Variants in XKR6 observed in about 807,000 individuals in gnomAD.
The protein encoded by XKR6 is XK-related protein 6.
In XKR6, 22 loss-of-function variants were observed where a neutral mutation model predicts 56.7. The observed-to-expected ratio is 0.39, with a 90% CI of 0.28 to 0.55. The LOEUF is 0.55. Among genes scored for constraint, XKR6 ranks in the 20% least tolerant of loss-of-function variants. The pLI is 0.66. For missense variants in XKR6, 852 were observed against 889.0 expected, an observed-to-expected ratio of 0.96 and a Z score of 0.53; for synonymous variants, 524 against 387.8, an observed-to-expected ratio of 1.35 and a Z score of -4.13.
intron 1 of XKR6, among the ~76,000 whole-genome samples, chr8:11,152,800 T>C (rs1464336602): frequency 1.3e-5 from 2 of 152,180 alleles, no homozygotes; most frequent in African/African-American, 4.8e-5. Flanking sequence ...GCCACTGATA[T>C]AAACAAATAT....
At chr8:10,940,782 C>T (rs1406213339) in intron 1 of XKR6, among the ~76,000 whole-genome samples, 3 of 152,220 alleles carry the variant, frequency 2.0e-5, no homozygotes, top group African/African-American at 7.2e-5. Flanking sequence ...ACACACATCC[C>T]CTTTGCAATA....
intron 1 of XKR6, among the ~76,000 whole-genome samples, chr8:11,074,117 G>T (rs1046445376): frequency 5.3e-5 from 8 of 152,346 alleles, no homozygotes; most frequent in African/African-American, 1.9e-4. Flanking sequence ...CTTCAAAGAC[G>T]CAGCTTTGAG....
chr8:11,011,661 A>G (rs1033261946), intron 1 of XKR6, among the ~76,000 whole-genome samples: 2 of 152,336 alleles, frequency 1.3e-5, no homozygotes, highest in Non-Finnish European at 2.9e-5. Flanking sequence ...GCAGAGAAGG[A>G]TAGAGCAGGG....
intron 1 of XKR6, among the ~76,000 whole-genome samples, chr8:10,925,479 C>A (rs974190321): frequency 6.6e-6 from 1 of 152,100 alleles, no homozygotes; most frequent in African/African-American, 2.4e-5. Context: ...ATCAGGGGGA[C>A]CCAGGGCCTG....
intron 1 of XKR6, among the ~76,000 whole-genome samples, chr8:11,152,282 A>C (rs1801306043): frequency 6.6e-6 from 1 of 152,204 alleles, no homozygotes; most frequent in Admixed American, 6.5e-5. Context: ...GCTTCTCTAC[A>C]GTTGCCCTTC....
At position 10,898,674 on chromosome 8, in the gene XKR6, T is replaced by C. The variant is rs1021919099; in HGVS notation, c.1204A>G (p.Ile402Val). 1 of 1,614,018 alleles carries C rather than the reference T, an allele frequency of 6.2e-7. No homozygotes were observed. The highest frequency in any genetic ancestry group is 1.3e-5 in the African/African-American group (1 of 74,888). The change falls in exon 3 of 3, where the codon ATC (isoleucine) becomes GTC (valine). Residue 402 changes from isoleucine (I) to valine (V), a missense_variant. By Grantham distance (29) the Ile-to-Val change is conservative (BLOSUM62 3). This residue lies in a region of XKR6 where 199 missense variants were observed against 280.4 expected (regional missense o/e 0.71). Transcript: ENST00000416569. This position sits in a 1 kb window ranked among gnomAD's most constrained non-coding sequence, Gnocchi z 6.6. ...VHWCAMAFWI[I>V]HGGTDFCMSK... ...ATGCAGAAGTCTGTTCCGCCATGGA[T>C]GATCCAGAAGGCCATGGCGCACCAG...
intron 1 of XKR6, chr8:11,108,475 C>A (rs537254925): frequency 2.4e-6 from 1 of 408,282 alleles, no homozygotes; most frequent in African/African-American, 2.1e-5. Context: ...ATTTAAAAAA[C>A]AGGACATTAG....
intron 1 of XKR6, among the ~76,000 whole-genome samples, chr8:11,092,948 G>A (rs1273738802): frequency 1.3e-5 from 2 of 152,192 alleles, no homozygotes; most frequent in Admixed American, 6.5e-5. Flanking sequence ...AGGGCCTCCT[G>A]CCCACCATGC....
At chr8:11,000,425 C>G (rs1798211526) in intron 1 of XKR6, among the ~76,000 whole-genome samples, 2 of 152,300 alleles carry the variant, frequency 1.3e-5, no homozygotes, top group South Asian at 2.1e-4. Flanking sequence ...GTAGCTCATG[C>G]CTGAAATCCA....
chr8:10,924,560 G>A (rs1800820144), intron 2 of XKR6, 74 bp downstream of exon 2: 3 of 1,523,958 alleles, frequency 2.0e-6, no homozygotes, highest in Admixed American at 3.7e-5. Context: ...CAGGCACGAA[G>A]TGTGTGGGAG....
At chr8:11,043,456 G>A (rs538646496) in intron 1 of XKR6, among the ~76,000 whole-genome samples, 127 of 152,268 alleles carry the variant, frequency 8.3e-4, no homozygotes, top group Middle Eastern at 6.8e-3. Flanking sequence ...ACCTACCCAG[G>A]ACTCTCTGGA....
At chr8:11,035,596 T>C (rs1446778298) in intron 1 of XKR6, among the ~76,000 whole-genome samples, 3 of 152,144 alleles carry the variant, frequency 2.0e-5, no homozygotes, top group African/African-American at 7.2e-5. Context: ...ATCTCGAAGT[T>C]CTCGCTGAAG....
chr8:11,194,939 AT>A (rs1211313385), intron 1 of XKR6: 8 of 545,594 alleles, frequency 1.5e-5, no homozygotes, highest in African/African-American at 1.2e-4. Flanking sequence ...AAAGCATGCC[AT>A]TTTTTCATCC....
At chr8:10,984,716 C>A (rs1586391789) in intron 1 of XKR6, among the ~76,000 whole-genome samples, 1 of 86,652 alleles carries the variant, frequency 1.2e-5, no homozygotes, top group African/African-American at 5.0e-5. Context: ...CTCTCTCTCT[C>A]TCTCTCTCTC....
intron 1 of XKR6, among the ~76,000 whole-genome samples, chr8:11,033,068 T>G (rs530548478): frequency 3.9e-4 from 59 of 151,648 alleles, no homozygotes; most frequent in African/African-American, 1.4e-3. Context: ...GGTAATGTGG[T>G]GGTGACGATG....
intron 1 of XKR6, among the ~76,000 whole-genome samples, chr8:11,005,842 C>CTTTTTTTTTTTTTTT (rs56880407): frequency 8.2e-6 from 1 of 121,352 alleles, no homozygotes; most frequent in Non-Finnish European, 1.7e-5. Flanking sequence ...TTCTTTCTTT[C>CTTTTTTTTTTTTTTT]TTTTTTTTTT....
chr8:11,012,095 C>A (rs1457257281), intron 1 of XKR6, among the ~76,000 whole-genome samples: 2 of 152,220 alleles, frequency 1.3e-5, no homozygotes, highest in Non-Finnish European at 2.9e-5. Context: ...GCCTCGCAGT[C>A]CCCATCTAAG....
intron 1 of XKR6, among the ~76,000 whole-genome samples, chr8:10,938,951 A>T (rs550624234): frequency 6.6e-6 from 1 of 152,366 alleles, no homozygotes; most frequent in African/African-American, 2.4e-5. Flanking sequence ...ACAGGGTCCC[A>T]TTAGAGGCCC....
chr8:11,111,840 G>C (rs942014145), intron 1 of XKR6: 1 of 151,552 alleles, frequency 6.6e-6, no homozygotes, highest in African/African-American at 2.4e-5. Context: ...CCAATATATT[G>C]AACTTAGGGA....
Sources: allele counts gnomAD v4.1 joint callset (sites outside exome capture counted in the v4.1 genomes callset), GRCh38; gene constraint gnomAD v4.1.1; regional missense constraint gnomAD v4.1.1; non-coding constraint Gnocchi (gnomAD v3.1); transcripts MANE v1.5; gene names NCBI Gene and HGNC (gene_info 2026-07-23, HGNC 2026-07-21).